Variants in PPP1R12C observed in about 807,000 individuals in gnomAD.
PPP1R12C encodes the protein protein phosphatase 1 regulatory subunit 12C.
In PPP1R12C, 48 loss-of-function variants were observed where a neutral mutation model predicts 95.6. The observed-to-expected ratio is 0.50, with a 90% CI of 0.40 to 0.64. The LOEUF is 0.64. Ranked by LOEUF, PPP1R12C falls within the 30% of genes least tolerant of loss-of-function variation. PPP1R12C has a pLI of 0.00. For missense variants in PPP1R12C, 1,057 were observed against 1,083.3 expected, an observed-to-expected ratio of 0.98 and a Z score of 0.34; for synonymous variants, 480 against 460.8, an observed-to-expected ratio of 1.04 and a Z score of -0.53.
Position 55,098,765 on chromosome 19 carries a change from C to T in PPP1R12C, c.951+19G>A. 6.2e-7 allele frequency: 1 copy of T among 1,613,202 alleles called. No homozygotes were observed. Among genetic ancestry groups the T allele is most frequent in the Non-Finnish European group, 8.5e-7 (1 of 1,179,894 alleles). On this transcript the variant is annotated intron_variant, in intron 6 of 21. Transcript: ENST00000263433. ...GGACATGGGGAGTCTGGGGTAAGCC[C>T]CTCAGCCCTGACACTCACGTCCTCC...
At chr19:55,100,246 A>G (rs1030379888) in intron 4 of PPP1R12C, among the ~76,000 whole-genome samples, 1 of 151,820 alleles carries the variant, frequency 6.6e-6, no homozygotes, top group Non-Finnish European at 1.5e-5. Flanking sequence ...AACCCTATTT[A>G]TATCTTAAGC....
At chr19:55,096,410 G>A (rs2084913430) in intron 6 of PPP1R12C, 75 bp from the exon 7 acceptor site, 18 of 1,524,406 alleles carry the variant, frequency 1.2e-5, no homozygotes, top group Non-Finnish European at 1.6e-5. Context: ...ACAAACAGCT[G>A]TGCAGGAGCT....
Position 55,096,279 on chromosome 19 carries a change from A to G in PPP1R12C, c.1008T>C (p.Ser336=), listed in dbSNP as rs747184474. 6.2e-7 allele frequency: 1 copy of G among 1,613,822 alleles called. No individual in the cohort carries two copies. The highest frequency in any genetic ancestry group is 2.2e-5 in the East Asian group (1 of 44,862). Residue 336 remains serine (S), a synonymous_variant, in exon 7 of 22, where the codon TCT becomes TCC. Coordinates refer to ENST00000263433, the MANE Select transcript of PPP1R12C (RefSeq NM_017607.4). ...CCCTATACCTTCTGTGTTTGCTGCT[A>G]GAGGGCGCTTGGGGCTCCTGGCCCC... ...QSRGQEPQAP[S]SSKHRRSSVC... is the part of the protein sequence containing the mutation.
intron 1 of PPP1R12C, chr19:55,115,067 G>A (rs1176286726): frequency 1.3e-5 from 2 of 152,138 alleles, no homozygotes; most frequent in Non-Finnish European, 2.9e-5. Context: ...CCAGAGCAGG[G>A]CCTTAGGGAA....
chr19:55,106,297 T>G (rs1349618692), intron 3 of PPP1R12C, among the ~76,000 whole-genome samples: 1 of 152,220 alleles, frequency 6.6e-6, no homozygotes, highest in Non-Finnish European at 1.5e-5. Flanking sequence ...AACAATACTA[T>G]GATGAACATC....
At chr19:55,092,020 T>C (rs10410929) in intron 19 of PPP1R12C, 111 bp from the exon 20 acceptor site, 1,091,141 of 1,366,760 alleles carry the variant, frequency 0.8, 438,698 homozygotes, top group East Asian at 1. Context: ...CCACAAGCCC[T>C]TCCCCCACGG....
chr19:55,103,188 T>A (rs2084997170), intron 4 of PPP1R12C, among the ~76,000 whole-genome samples: 1 of 152,178 alleles, frequency 6.6e-6, no homozygotes, highest in African/African-American at 2.4e-5. Flanking sequence ...AGCAAGACCC[T>A]GTCTCAAAAT....
intron 3 of PPP1R12C, chr19:55,112,110 C>T (rs1049147472): frequency 7.1e-5 from 15 of 212,188 alleles, no homozygotes; most frequent in African/African-American, 3.2e-4. Context: ...TAAACGCATC[C>T]CCTCCCAGAA....
intron 1 of PPP1R12C, among the ~76,000 whole-genome samples, chr19:55,116,096 T>G (rs1313787623): frequency 6.6e-6 from 1 of 151,396 alleles, no homozygotes; most frequent in African/African-American, 2.4e-5. Flanking sequence ...AGCAAGAGGA[T>G]GGAGAGGTGG....
chr19:55,116,399 A>G (rs144483298), intron 1 of PPP1R12C, among the ~76,000 whole-genome samples: 1 of 152,228 alleles, frequency 6.6e-6, no homozygotes, highest in Non-Finnish European at 1.5e-5. Context: ...CGGAAAGAGC[A>G]TCCTTGGGCA....
rs2085167547 is a variant in PPP1R12C, at chr19:55,117,427, G to C, written c.117C>G (p.Pro39=). 1 of 1,005,784 alleles carries C rather than the reference G, an allele frequency of 9.9e-7. No individual in the cohort carries two copies. Among genetic ancestry groups the C allele is most frequent in the South Asian group, 4.5e-5 (1 of 22,462 alleles). The allele number at this position is 1,005,784 out of a possible 1,614,324, so 62.3% of individuals were successfully genotyped here. The change falls in exon 1 of 22, where the codon CCC becomes CCG. Residue 39 remains proline, a synonymous_variant. Transcript: ENST00000263433. ...WGARAGAEPG[P]GERRARTVRF... Reference sequence around the variant, plus strand: ...GGACGGTGCGGGCGCGGCGCTCTCCGGGGCCAGGCTCGGCGCCCGCCCGCG... The same window carrying C: ...GGACGGTGCGGGCGCGGCGCTCTCCCGGGCCAGGCTCGGCGCCCGCCCGCG...
rs773764451 is a variant in PPP1R12C, at chr19:55,095,522, G to A, written c.1309C>T (p.Arg437Trp). ...GCCCCAGGGGCTCCCTCCGCTGTCC[G>A]CCTTTCAGGGGGACCCAGGGCACCA... is the stretch of plus-strand genomic sequence containing the variant. Reference protein sequence around the residue: ...SSGALGPPERRTAEGAPGAGL... With the variant: ...SSGALGPPERWTAEGAPGAGL... The change falls in exon 10 of 22, where the codon CGG (arginine) becomes TGG (tryptophan). Residue 437 changes from arginine to tryptophan, a missense_variant. This residue lies in a region of PPP1R12C where 356 missense variants were observed against 330.5 expected (regional missense o/e 1.08). Coordinates refer to ENST00000263433, the MANE Select transcript of PPP1R12C (RefSeq NM_017607.4). 3.8e-6 allele frequency: 6 copies of A among 1,585,434 alleles called. No individual in the cohort carries two copies. In the East Asian group the frequency reaches 9.1e-5, roughly 24 times the overall value.
In PPP1R12C at chr19:55,094,738, C is replaced by A; in HGVS notation, c.1515G>T (p.Pro505=). 2 of 1,609,734 alleles carry A rather than the reference C, an allele frequency of 1.2e-6. No individual in the cohort carries two copies. Among genetic ancestry groups the A allele is most frequent in the Non-Finnish European group, 1.7e-6 (2 of 1,178,896 alleles). Residue 505 remains proline (P), a synonymous_variant, in exon 12 of 22, where the codon CCG becomes CCT. Coordinates refer to ENST00000263433, the MANE Select transcript of PPP1R12C (RefSeq NM_017607.4). ...LENSSPPSRI[P]EPESPAKPNV... The stretch of plus-strand genomic sequence containing the variant: ...TTGGCTTCGCTGGGGATTCAGGCTC[C>A]GGAATCCTGGAGGGAGGCGAGGAGT...
chr19:55,108,945 A>G (rs954091378), intron 3 of PPP1R12C, among the ~76,000 whole-genome samples: 2 of 152,136 alleles, frequency 1.3e-5, no homozygotes, highest in African/African-American at 4.8e-5. Flanking sequence ...ACCTCAGGTG[A>G]TCCGCCCGCC....
At position 55,112,476 on chromosome 19, in the gene PPP1R12C, C is replaced by T. The variant is rs2085106983; in HGVS notation, c.562G>A (p.Ala188Thr). 1 of 1,610,386 alleles carries T rather than the reference C, an allele frequency of 6.2e-7. No homozygotes were observed. The highest frequency in any genetic ancestry group is 8.5e-7 in the Non-Finnish European group (1 of 1,179,340). The change falls in exon 3 of 22, where the codon GCC becomes ACC. Residue 188 changes from alanine to threonine, a missense_variant. Ala to Thr is a moderately conservative substitution (Grantham distance 58). Around this residue, in one of 5 missense-constraint regions of PPP1R12C, gnomAD observed 282 missense variants for 380.4 expected, o/e 0.74. Coordinates refer to ENST00000263433, the MANE Select transcript of PPP1R12C (RefSeq NM_017607.4). ...AMEGLLKAEIARRGVDVEAAK... is the reference protein window; with the variant it reads ...AMEGLLKAEITRRGVDVEAAK... ...GCACACCAGAGCCCACCTCGGCGGG[C>T]GATCTCCGCCTTCAGCAGCCCCTCC...
At chr19:55,113,370 G>A in intron 1 of PPP1R12C, 2 of 1,422,070 alleles carry the variant, frequency 1.4e-6, no homozygotes, top group Non-Finnish European at 1.8e-6. Flanking sequence ...GGGACTCCCA[G>A]AGGGGTGAGA....
chr19:55,109,627 C>T lies in PPP1R12C; in HGVS notation c.571+2840G>A, dbSNP rs143434238. Among the ~76,000 whole-genome samples the T allele has an allele frequency of 5.5e-3, 842 of 152,338 alleles. 7 individuals carry two copies. Among genetic ancestry groups the T allele is most frequent in the African/African-American group, 0.019 (796 of 41,576 alleles). The stretch of plus-strand genomic sequence containing the variant: ...AGCCAGGGAAAGCGAAGGGGATGGT[C>T]GTGCCTGAGGCCGGTCTGTCTTCTC... On this transcript the variant is annotated intron_variant, in intron 3 of 21. Transcript: ENST00000263433. The surrounding 1 kb of genome is among the most constrained non-coding windows in gnomAD (Gnocchi z 4.4).
Position 55,096,292 on chromosome 19 carries a change from G to C in PPP1R12C, c.995C>G (p.Pro332Arg). ...KEASQSRGQEPQAPSSSKHRR... is the reference protein window; with the variant it reads ...KEASQSRGQERQAPSSSKHRR... ...GTGTTTGCTGCTAGAGGGCGCTTGG[G>C]GCTCCTGGCCCCGGCTCTGGGAAGC... The change falls in exon 7 of 22, where the codon CCC becomes CGC. Residue 332 changes from proline (P) to arginine (R), a missense_variant. Coordinates refer to ENST00000263433, the MANE Select transcript of PPP1R12C (RefSeq NM_017607.4). 1 of 1,613,804 alleles carries C rather than the reference G, an allele frequency of 6.2e-7. No individual in the cohort carries two copies. The highest frequency in any genetic ancestry group is 8.5e-7 in the Non-Finnish European group (1 of 1,179,932).
chr19:55,097,555 C>T (rs575466125), intron 6 of PPP1R12C, among the ~76,000 whole-genome samples: 266 of 16,592 alleles, frequency 0.016, 15 homozygotes, highest in South Asian at 0.053. Flanking sequence ...CCCTTCCCCA[C>T]GCAGTTCACC....
Sources: gnomAD v4.1 joint callset for allele counts (sites outside exome capture counted in the v4.1 genomes callset) on GRCh38, gnomAD v4.1.1 for gene constraint, gnomAD v4.1.1 regional missense constraint, Gnocchi (gnomAD v3.1) non-coding constraint, MANE v1.5 for transcripts, NCBI Gene and HGNC (gene_info 2026-07-23, HGNC 2026-07-21) for gene names.